The following TCF4 variants were observed in gnomAD, a reference collection of about 807,000 sequenced individuals.
TCF4 encodes transcription factor 4, also known as SL3-3 enhancer factor 2.
TCF4 carries 3 observed loss-of-function variants against 82.1 expected under a neutral mutation model. That is an observed-to-expected ratio of 0.04 (90% CI 0.02 to 0.09). The LOEUF (loss-of-function observed/expected upper bound fraction) is 0.09, where lower values mean the gene tolerates loss of function less well. Among genes scored for constraint, TCF4 ranks in the 10% least tolerant of loss-of-function variants. TCF4 has a pLI of 1.00. For synonymous variants in TCF4, 276 were observed against 309.6 expected (o/e 0.89, Z 1.14); for missense variants, 518 against 852.7 (o/e 0.61, Z 4.89).
intron 3 of TCF4, among the ~76,000 whole-genome samples, chr18:55,477,175 C>T (rs1219639893): frequency 6.6e-6 from 1 of 152,124 alleles, no homozygotes; most frequent in Non-Finnish European, 1.5e-5. Flanking sequence ...TTTATATACT[C>T]ATCTCATTTA....
In TCF4 at chr18:55,461,101, C is replaced by T. The variant is rs1249029920; in HGVS notation, c.222G>A (p.Gly74=). Residue 74 remains glycine, a synonymous_variant, in exon 5 of 20, where the codon GGG becomes GGA. Transcript: ENST00000354452. ...TGCTGGTCATGTGGTCATAGGGAGT[C>T]CCATCTCCATAGTTCTGTAAATAAA... is the stretch of plus-strand genomic sequence containing the variant. ...HPSPSRNYGD[G]TPYDHMTSRD... The T allele has an allele frequency of 1.2e-6, 2 of 1,612,502 alleles. No homozygotes were observed. The highest frequency in any genetic ancestry group is 1.1e-5 in the South Asian group (1 of 91,014).
At chr18:55,434,763 C>CGTGTGT (rs527450659) in intron 5 of TCF4, among the ~76,000 whole-genome samples, 6,192 of 131,724 alleles carry the variant, frequency 0.047, 276 homozygotes, top group Middle Eastern at 0.12. Context: ...CTCAAGTATT[C>CGTGTGT]GTGTGTGTGT....
intron 6 of TCF4, among the ~76,000 whole-genome samples, chr18:55,375,865 G>A: frequency 6.6e-6 from 1 of 151,962 alleles, no homozygotes; most frequent in East Asian, 1.9e-4. Context: ...ATAGGGAGTA[G>A]GAGAGAGGGA....
intron 3 of TCF4, among the ~76,000 whole-genome samples, chr18:55,554,489 T>C (rs1034375872): frequency 6.6e-6 from 1 of 152,196 alleles, no homozygotes; most frequent in Non-Finnish European, 1.5e-5. Context: ...CATGAAATTC[T>C]TATATTTTTT....
intron 5 of TCF4, among the ~76,000 whole-genome samples, chr18:55,413,909 A>T (rs1569428226): frequency 6.6e-6 from 1 of 152,222 alleles, no homozygotes; most frequent in Non-Finnish European, 1.5e-5. Context: ...AGGGAATTTA[A>T]TATTTGTTGG....
intron 5 of TCF4, among the ~76,000 whole-genome samples, chr18:55,437,571 T>A (rs1426468472): frequency 2.0e-5 from 3 of 152,226 alleles, no homozygotes; most frequent in Non-Finnish European, 2.9e-5. Context: ...TAAAAATAAG[T>A]ATTGAGTTCA....
intron 8 of TCF4, chr18:55,302,764 T>C: frequency 1.6e-6 from 1 of 619,562 alleles, no homozygotes; most frequent in Non-Finnish European, 2.6e-6. Flanking sequence ...AGGCGTCCCC[T>C]GGATAAAGCT....
intron 5 of TCF4, among the ~76,000 whole-genome samples, chr18:55,440,339 T>C (rs2095416703): frequency 6.6e-6 from 1 of 152,216 alleles, no homozygotes; most frequent in Admixed American, 6.5e-5. Flanking sequence ...TGACTACCGC[T>C]AAGCTTTGGG....
At chr18:55,589,503 A>C, upstream of TCF4, 3 of 1,054,784 alleles carry the variant, frequency 2.8e-6, no homozygotes, top group Non-Finnish European at 3.4e-6. Context: ...TAAAACTGCA[A>C]CAAAATTCCC....
chr18:55,575,210 A>C (rs1019985727), intron 3 of TCF4, among the ~76,000 whole-genome samples: 2 of 152,252 alleles, frequency 1.3e-5, no homozygotes, highest in African/African-American at 4.8e-5. Context: ...AGTTAGAAGT[A>C]ACTAGATTGA....
At chr18:55,578,687 C>T (rs1270317210) in intron 3 of TCF4, among the ~76,000 whole-genome samples, 1 of 151,964 alleles carries the variant, frequency 6.6e-6, no homozygotes, top group Non-Finnish European at 1.5e-5. Flanking sequence ...GCAAGTGAAA[C>T]AGGTTCTTTA....
intron 2 of TCF4, among the ~76,000 whole-genome samples, chr18:55,627,973 T>C (rs2097728205): frequency 2.0e-5 from 3 of 152,128 alleles, no homozygotes; most frequent in Non-Finnish European, 2.9e-5. Flanking sequence ...GGGAGAAGAA[T>C]GGCGTGAACC....
intron 3 of TCF4, among the ~76,000 whole-genome samples, chr18:55,573,560 G>A (rs939808341): frequency 2.6e-5 from 4 of 152,052 alleles, no homozygotes; most frequent in South Asian, 2.1e-4. Flanking sequence ...TCAGTCTTGC[G>A]GGATCTGACA....
intron 3 of TCF4, among the ~76,000 whole-genome samples, chr18:55,539,714 C>T (rs1036110722): frequency 1.3e-5 from 2 of 151,944 alleles, no homozygotes; most frequent in Non-Finnish European, 1.5e-5. Flanking sequence ...TTTAAATGAT[C>T]ATATTTAAAG....
chr18:55,439,573 C>T (rs747465819), intron 5 of TCF4, among the ~76,000 whole-genome samples: 1 of 152,194 alleles, frequency 6.6e-6, no homozygotes, highest in Non-Finnish European at 1.5e-5. Flanking sequence ...CCAGTAAATA[C>T]TGGCCCAATC....
intron 5 of TCF4, among the ~76,000 whole-genome samples, chr18:55,439,062 G>A (rs1372886720): frequency 2.0e-5 from 3 of 152,174 alleles, no homozygotes; most frequent in Admixed American, 2.0e-4. Flanking sequence ...GCACCAGGGC[G>A]GGGCAGTGGT....
chr18:55,279,845 C>T (rs912201481), intron 8 of TCF4, among the ~76,000 whole-genome samples, 189 bp from the exon 9 acceptor site: 4 of 152,150 alleles, frequency 2.6e-5, no homozygotes, highest in African/African-American at 7.2e-5. Flanking sequence ...AACAAAAGCT[C>T]GGTGTATTTG....
At chr18:55,331,344 A>G (rs894863666) in intron 8 of TCF4, among the ~76,000 whole-genome samples, 7 of 152,232 alleles carry the variant, frequency 4.6e-5, no homozygotes, top group African/African-American at 1.7e-4. Context: ...ATTCTCCAGC[A>G]AAGTTCAGTG....
chr18:55,406,786 T>C (rs2094113993), intron 5 of TCF4, among the ~76,000 whole-genome samples: 1 of 152,164 alleles, frequency 6.6e-6, no homozygotes, highest in Non-Finnish European at 1.5e-5. Context: ...AGCTAAAGAT[T>C]CTATTTTTCC....
Sources: allele counts gnomAD v4.1 joint callset (sites outside exome capture counted in the v4.1 genomes callset), GRCh38; gene constraint gnomAD v4.1.1; transcripts MANE v1.5; gene names NCBI Gene and HGNC (gene_info 2026-07-23, HGNC 2026-07-21).